The following QTMAN variants were observed in gnomAD, a reference collection of about 807,000 sequenced individuals.
QTMAN encodes the protein queuosine-tRNA mannosyltransferase.
At chr2:144,189,677 C>T in the QTMAN span, among the ~76,000 whole-genome samples, 6 of 151,864 alleles carry the variant, frequency 4.0e-5, no homozygotes, top group Non-Finnish European at 8.8e-5. Context: ...TGGAGTCCAG[C>T]GGTGCGATCT....
the QTMAN span, among the ~76,000 whole-genome samples, chr2:144,114,362 C>T: frequency 3.9e-5 from 6 of 152,310 alleles, no homozygotes; most frequent in East Asian, 1.2e-3. Flanking sequence ...ATCAGGTATA[C>T]TGTCTGGCCC....
the QTMAN span, among the ~76,000 whole-genome samples, chr2:144,296,630 T>C: frequency 1.4e-4 from 21 of 152,344 alleles, no homozygotes; most frequent in African/African-American, 4.8e-4. Flanking sequence ...CAGGACTACT[T>C]CATTTTTATT....
the QTMAN span, among the ~76,000 whole-genome samples, chr2:143,993,438 GATT>G: frequency 6.6e-6 from 1 of 151,606 alleles, no homozygotes. Context: ...TTGCAGATAT[GATT>G]AAGCATCCTG....
chr2:143,955,585 C>A, the QTMAN span, among the ~76,000 whole-genome samples: 1 of 152,192 alleles, frequency 6.6e-6, no homozygotes, highest in Admixed American at 6.5e-5. Context: ...TGGACTGTTA[C>A]AATCTCACTG....
At chr2:144,242,759 C>T in the QTMAN span, among the ~76,000 whole-genome samples, 1 of 151,756 alleles carries the variant, frequency 6.6e-6, no homozygotes, top group Non-Finnish European at 1.5e-5. Flanking sequence ...GTCAGGAGTT[C>T]GAGACCAGCC....
chr2:144,113,955 T>C, the QTMAN span, among the ~76,000 whole-genome samples: 1 of 152,192 alleles, frequency 6.6e-6, no homozygotes, highest in Non-Finnish European at 1.5e-5. Flanking sequence ...CAAAGATGAG[T>C]GCCCCTAAAG....
chr2:144,203,225 G>C, the QTMAN span, among the ~76,000 whole-genome samples: 1 of 151,940 alleles, frequency 6.6e-6, no homozygotes, highest in African/African-American at 2.4e-5. Flanking sequence ...GCGCATATGA[G>C]AAACAGAAGA....
chr2:144,092,694 T>C, the QTMAN span, among the ~76,000 whole-genome samples: 2 of 152,190 alleles, frequency 1.3e-5, no homozygotes, highest in Non-Finnish European at 2.9e-5. Context: ...GGAGTCTAAG[T>C]GATCTTGAGG....
the QTMAN span, among the ~76,000 whole-genome samples, chr2:144,071,208 T>G: frequency 6.6e-6 from 1 of 151,898 alleles, no homozygotes; most frequent in Non-Finnish European, 1.5e-5. Context: ...TTTTTTTTTT[T>G]CTTACTCCAT....
the QTMAN span, among the ~76,000 whole-genome samples, chr2:144,099,581 T>C: frequency 6.6e-6 from 1 of 152,214 alleles, no homozygotes; most frequent in East Asian, 1.9e-4. Flanking sequence ...GCAGACTGCA[T>C]TTCAAGCCGT....
the QTMAN span, among the ~76,000 whole-genome samples, chr2:144,249,779 A>G: frequency 6.6e-6 from 1 of 152,228 alleles, no homozygotes; most frequent in African/African-American, 2.4e-5. Flanking sequence ...CTCAAAACCA[A>G]AAATGTCAGG....
At chr2:144,006,007 CATCT>C in the QTMAN span, 1 of 152,092 alleles carries the variant, frequency 6.6e-6, no homozygotes, top group Non-Finnish European at 1.5e-5. Flanking sequence ...TAAATGATGA[CATCT>C]ATTTTACCTT....
the QTMAN span, chr2:144,142,122 A>G: frequency 9.0e-7 from 1 of 1,114,398 alleles, no homozygotes; most frequent in South Asian, 1.4e-5. Flanking sequence ...TTATCAACCT[A>G]AGACCTCTAT....
At chr2:144,128,690 C>A in the QTMAN span, among the ~76,000 whole-genome samples, 2 of 152,054 alleles carry the variant, frequency 1.3e-5, no homozygotes, top group Non-Finnish European at 2.9e-5. Context: ...GTTTCCCCAG[C>A]TATCAGATAA....
the QTMAN span, among the ~76,000 whole-genome samples, chr2:144,098,356 G>A: frequency 5.3e-5 from 8 of 152,166 alleles, no homozygotes; most frequent in African/African-American, 1.7e-4. Context: ...ATAGAAGGAC[G>A]CTGATTCTAT....
At chr2:143,938,875 G>C in the QTMAN span, 1 of 152,214 alleles carries the variant, frequency 6.6e-6, no homozygotes, top group Non-Finnish European at 1.5e-5. Flanking sequence ...TGAACCAATA[G>C]TTTGTGGACT....
chr2:143,962,515 T>C, the QTMAN span, among the ~76,000 whole-genome samples: 1 of 152,196 alleles, frequency 6.6e-6, no homozygotes, highest in East Asian at 1.9e-4. Context: ...TATACTATTA[T>C]GATTATCTTC....
At chr2:144,242,911 G>A in the QTMAN span, among the ~76,000 whole-genome samples, 12 of 136,606 alleles carry the variant, frequency 8.8e-5, no homozygotes, top group African/African-American at 2.6e-4. Flanking sequence ...GCAGTGAGCC[G>A]AAATTGCACC....
At chr2:144,253,614 T>G in the QTMAN span, among the ~76,000 whole-genome samples, 1 of 152,138 alleles carries the variant, frequency 6.6e-6, no homozygotes, top group Non-Finnish European at 1.5e-5. Context: ...ACTGGTAGCA[T>G]TTTGTCCCTG....
Sources: gnomAD v4.1 joint callset for allele counts (sites outside exome capture counted in the v4.1 genomes callset) on GRCh38, gnomAD v4.1.1 for gene constraint, MANE v1.5 for transcripts, NCBI Gene and HGNC (gene_info 2026-07-23, HGNC 2026-07-21) for gene names.